The following PCDHA2 variants were observed in gnomAD, a reference collection of about 807,000 sequenced individuals.
PCDHA2 encodes the protein protocadherin alpha-2.
A neutral mutation model predicts 66.0 loss-of-function variants in PCDHA2; 58 were observed. That is an observed-to-expected ratio of 0.88 (90% CI 0.71 to 1.09). The LOEUF (loss-of-function observed/expected upper bound fraction) is 1.09. Ranked by LOEUF, PCDHA2 falls within the 50% of genes least tolerant of loss-of-function variation. The pLI is 0.00. For synonymous variants in PCDHA2, 634 were observed against 554.0 expected, an observed-to-expected ratio of 1.14 and a Z score of -2.03; for missense variants, 1,267 against 1,242.3, an observed-to-expected ratio of 1.02 and a Z score of -0.30.
At chr5:140,814,516 A>G (rs1765532799) in intron 1 of PCDHA2, 2 of 152,058 alleles carry the variant, frequency 1.3e-5, no homozygotes, top group African/African-American at 4.8e-5. Context: ...ACCACTAAAA[A>G]GTATAGTAAA....
chr5:140,817,348 A>AG (rs1387838352), intron 1 of PCDHA2: 1 of 152,294 alleles, frequency 6.6e-6, no homozygotes, highest in Non-Finnish European at 1.5e-5. Flanking sequence ...CTTGGAGCCC[A>AG]GGACCCTCTT....
At chr5:140,830,392 G>T in intron 1 of PCDHA2, 2 of 1,614,160 alleles carry the variant, frequency 1.2e-6, no homozygotes, top group Non-Finnish European at 8.5e-7. Flanking sequence ...CACCCAAGAT[G>T]GATCTCATGG....
intron 1 of PCDHA2, chr5:140,967,750 C>G (rs782284231): frequency 6.2e-7 from 1 of 1,614,190 alleles, no homozygotes; most frequent in South Asian, 1.1e-5. Flanking sequence ...ATGAGGAAGC[C>G]TCCTCCTACC....
chr5:140,982,373 T>C, intron 2 of PCDHA2, 102 bp from the exon 3 acceptor site: 1 of 1,559,640 alleles, frequency 6.4e-7, no homozygotes, highest in Non-Finnish European at 8.7e-7. Context: ...ATGTGTTAGC[T>C]GCAGCCCTGG....
intron 1 of PCDHA2, chr5:140,800,947 G>T: frequency 9.4e-7 from 1 of 1,058,926 alleles, no homozygotes; most frequent in Non-Finnish European, 1.2e-6. Flanking sequence ...AAGTTCAAAC[G>T]ACATACAAGG....
intron 1 of PCDHA2, among the ~76,000 whole-genome samples, chr5:140,952,125 A>G (rs1027710629): frequency 6.6e-6 from 1 of 152,092 alleles, no homozygotes; most frequent in African/African-American, 2.4e-5. Context: ...TGGGCTCCCA[A>G]GGCCTTGGGA....
chr5:140,897,304 G>A (rs1297881439), intron 1 of PCDHA2, among the ~76,000 whole-genome samples: 1 of 150,768 alleles, frequency 6.6e-6, no homozygotes, highest in Non-Finnish European at 1.5e-5. Flanking sequence ...TTTAGCATTA[G>A]GTATATCTCC....
rs2150449498 is a variant in PCDHA2 at position 140,849,775 on chromosome 5, C to A, written c.2388+52423C>A. 6.3e-7 allele frequency: 1 copy of A among 1,598,434 alleles called. No homozygotes were observed. The highest frequency in any genetic ancestry group is 8.6e-7 in the Non-Finnish European group (1 of 1,167,964). Reference sequence around the variant, plus strand: ...TCCGCCTACGAGCTGGTGGTTACCGCGCGGGACGGGGGCTCGCCTTCACTG... The same window carrying A: ...TCCGCCTACGAGCTGGTGGTTACCGAGCGGGACGGGGGCTCGCCTTCACTG... On this transcript the variant is annotated intron_variant, in intron 1 of 3. Transcript: ENST00000526136.
At chr5:140,834,683 G>C (rs2150224219) in intron 1 of PCDHA2, 51 of 1,614,138 alleles carry the variant, frequency 3.2e-5, no homozygotes, top group Non-Finnish European at 4.1e-5. Context: ...GGCGGAGCGC[G>C]GAGTGCAGCA....
chr5:140,967,074 A>C (rs1554229140), intron 1 of PCDHA2: 1 of 1,613,138 alleles, frequency 6.2e-7, no homozygotes. Flanking sequence ...TTCGTCAACG[A>C]GCGCATTGAT....
At chr5:140,879,297 A>G (rs573154436) in intron 1 of PCDHA2, among the ~76,000 whole-genome samples, 1 of 152,346 alleles carries the variant, frequency 6.6e-6, no homozygotes, top group African/African-American at 2.4e-5. Flanking sequence ...TAAGAGAAAA[A>G]CAAAAGTAGA....
chr5:140,942,439 A>G (rs1554214983), intron 1 of PCDHA2, among the ~76,000 whole-genome samples: 1 of 152,082 alleles, frequency 6.6e-6, no homozygotes, highest in Non-Finnish European at 1.5e-5. Flanking sequence ...AACAATAAAC[A>G]AGTAAACTAT....
intron 1 of PCDHA2, chr5:140,803,793 C>A (rs1554122967): frequency 9.7e-6 from 8 of 822,250 alleles, no homozygotes; most frequent in Non-Finnish European, 5.5e-6. Context: ...TTATGATATC[C>A]ACACTTGTAA....
intron 1 of PCDHA2, among the ~76,000 whole-genome samples, chr5:140,960,541 C>G (rs1200507322): frequency 6.6e-6 from 1 of 151,924 alleles, no homozygotes; most frequent in African/African-American, 2.4e-5. Context: ...GAAACTGTGG[C>G]CTTCATATAG....
intron 1 of PCDHA2, chr5:140,836,052 G>A (rs2150251542): frequency 2.4e-5 from 39 of 1,613,494 alleles, no homozygotes; most frequent in African/African-American, 4.0e-5. Flanking sequence ...GTTCGTGCTG[G>A]ACGAGAACGA....
At position 140,992,594 on chromosome 5, in the gene PCDHA2, G is replaced by T. The variant is rs782416770; in HGVS notation, c.2536+10031G>T. On this transcript the variant is annotated intron_variant, in intron 3 of 3. Coordinates refer to ENST00000526136, the MANE Select transcript of PCDHA2 (RefSeq NM_018905.3). ...ATTGCCTGCCTTGTATGCATCTAGC[G>T]TCTGTGTCTAAGTGAAAGCAGATTA... Among the ~76,000 whole-genome samples, 5 of 152,266 alleles carry T rather than the reference G, an allele frequency of 3.3e-5. No individual in the cohort carries two copies. The East Asian group carries it at 7.7e-4, about 24-fold the overall frequency.
Position 140,797,137 on chromosome 5 carries a change from G to C in PCDHA2, c.2173G>C (p.Val725Leu). ...VLLYTALRCS[V>L]PPTEGARAPG... ...GCTGTACACTGCGCTGCGGTGCTCG[G>C]TGCCACCCACCGAGGGTGCGCGCGC... The change falls in exon 1 of 4, where the codon GTG becomes CTG. Residue 725 changes from valine to leucine, a missense_variant. Transcript: ENST00000526136. 11 of 1,614,006 alleles carry C rather than the reference G, an allele frequency of 6.8e-6. No individual in the cohort carries two copies. The highest frequency in any genetic ancestry group is 5.1e-6 in the Non-Finnish European group (6 of 1,179,978).
chr5:140,836,387 G>T (rs1435398883), intron 1 of PCDHA2: 1 of 1,613,748 alleles, frequency 6.2e-7, no homozygotes, highest in Non-Finnish European at 8.5e-7. Flanking sequence ...TGCTGGTGTC[G>T]CTGGTGGAAA....
chr5:140,904,150 C>T (rs1005130566), intron 1 of PCDHA2, among the ~76,000 whole-genome samples: 1 of 152,036 alleles, frequency 6.6e-6, no homozygotes, highest in Non-Finnish European at 1.5e-5. Context: ...GTATACATTG[C>T]ACCCAGTTTG....
Sources: gnomAD v4.1 joint callset for allele counts (sites outside exome capture counted in the v4.1 genomes callset) on GRCh38, gnomAD v4.1.1 for gene constraint, MANE v1.5 for transcripts, NCBI Gene and HGNC (gene_info 2026-07-23, HGNC 2026-07-21) for gene names.